The following IL1RAPL1 variants were observed in gnomAD, a reference collection of about 807,000 sequenced individuals.
The protein encoded by IL1RAPL1 is interleukin 1 receptor accessory protein like 1.
A neutral mutation model predicts 48.4 loss-of-function variants in IL1RAPL1; 3 were observed. That is an observed-to-expected ratio of 0.06 (90% CI 0.03 to 0.16). The LOEUF is 0.16. IL1RAPL1 is among the 10% of genes least tolerant of loss of function. The pLI is 1.00. For synonymous variants in IL1RAPL1, 185 were observed against 187.7 expected, an observed-to-expected ratio of 0.99 and a Z score of 0.12; for missense variants, 349 against 530.6, an observed-to-expected ratio of 0.66 and a Z score of 3.36.
At chrX:29,116,213 G>A (rs1414682918) in intron 2 of IL1RAPL1, among the ~76,000 whole-genome samples, 1 of 110,957 alleles carries the variant, frequency 9.0e-6, no homozygotes, top group Non-Finnish European at 1.9e-5. Flanking sequence ...TTGATACTTT[G>A]TCCAATAGCA....
At chrX:29,571,200 T>C (rs1191023828) in intron 5 of IL1RAPL1, among the ~76,000 whole-genome samples, 2 of 110,038 alleles carry the variant, frequency 1.8e-5, no homozygotes, top group African/African-American at 3.4e-5. Context: ...CCAGCCTGGG[T>C]GACAGAGTGA....
At chrX:28,733,559 C>T (rs1188838057) in intron 1 of IL1RAPL1, among the ~76,000 whole-genome samples, 1 of 111,505 alleles carries the variant, frequency 9.0e-6, no homozygotes, top group African/African-American at 3.3e-5. Context: ...TCACCTACTT[C>T]TTTGATGATG....
chrX:29,301,560 A>C (rs972505295), intron 3 of IL1RAPL1, among the ~76,000 whole-genome samples: 4 of 112,247 alleles, frequency 3.6e-5, no homozygotes, highest in Non-Finnish European at 7.5e-5. Flanking sequence ...ACATGTATAC[A>C]TAAACACACA....
chrX:28,698,970 A>T (rs1935265395), intron 1 of IL1RAPL1, among the ~76,000 whole-genome samples: 1 of 112,048 alleles, frequency 8.9e-6, no homozygotes, highest in African/African-American at 3.2e-5. Context: ...AATCTCTTTT[A>T]TTCGGTGAGT....
intron 2 of IL1RAPL1, among the ~76,000 whole-genome samples, chrX:28,836,969 G>GA (rs971911712): frequency 4.6e-5 from 5 of 108,999 alleles, no homozygotes; most frequent in East Asian, 2.9e-4. Flanking sequence ...TTGGCACCTT[G>GA]AAAAAAAACG....
chrX:29,784,682 T>TA lies in IL1RAPL1; in HGVS notation c.778+116190dup, dbSNP rs11364775. On this transcript the variant is annotated intron_variant, in intron 6 of 10. Coordinates refer to ENST00000378993, the MANE Select transcript of IL1RAPL1 (RefSeq NM_014271.4). ...CAGTTTATGGATTTTCTTATTATCT[T>TA]AAAAAAAAAAAACATGATAGTGAGG... 5.6e-3 allele frequency among the ~76,000 whole-genome samples: 582 copies of TA among 103,249 alleles called. 2 individuals carry two copies. Among genetic ancestry groups the TA allele is most frequent in the African/African-American group, 0.016 (464 of 28,585 alleles). 89.7% of individuals were successfully genotyped at this position (103,249 alleles called of 115,157 possible).
chrX:29,332,694 G>A (rs9698639), intron 3 of IL1RAPL1, among the ~76,000 whole-genome samples: 6 of 105,914 alleles, frequency 5.7e-5, no homozygotes, highest in Admixed American at 2.0e-4. Context: ...GTTTCTCGCA[G>A]AGGGGGATTT....
At chrX:29,324,498 C>T (rs760559504) in intron 3 of IL1RAPL1, among the ~76,000 whole-genome samples, 16 of 111,759 alleles carry the variant, frequency 1.4e-4, no homozygotes, top group Non-Finnish European at 3.0e-4. Flanking sequence ...CTCTGTGCAG[C>T]GTTCCTTCCT....
chrX:29,022,716 C>T (rs957674013), intron 2 of IL1RAPL1, among the ~76,000 whole-genome samples: 93 of 111,753 alleles, frequency 8.3e-4, no homozygotes, highest in African/African-American at 2.7e-3. Flanking sequence ...GTCATTCTTT[C>T]TCATCTGGCA....
At chrX:29,331,373 C>A (rs1932884204) in intron 3 of IL1RAPL1, among the ~76,000 whole-genome samples, 1 of 110,215 alleles carries the variant, frequency 9.1e-6, no homozygotes, top group South Asian at 4.0e-4. Flanking sequence ...CCACATCACC[C>A]AACTGCAAAG....
chrX:29,459,995 G>A (rs2206337), intron 5 of IL1RAPL1, among the ~76,000 whole-genome samples: 1,400 of 111,567 alleles, frequency 0.013, 21 homozygotes, highest in African/African-American at 0.042. Flanking sequence ...GAGGTCATGA[G>A]GTATTTGTCT....
At chrX:29,290,012 T>C (rs1435367854) in intron 3 of IL1RAPL1, among the ~76,000 whole-genome samples, 1 of 111,887 alleles carries the variant, frequency 8.9e-6, no homozygotes, top group African/African-American at 3.2e-5. Context: ...TGTAACTCTT[T>C]TTTCTCATTG....
chrX:29,122,442 C>CAT (rs1318893798), intron 2 of IL1RAPL1, among the ~76,000 whole-genome samples: 1 of 101,853 alleles, frequency 9.8e-6, no homozygotes, highest in Non-Finnish European at 2.0e-5. Context: ...CACACACACA[C>CAT]ACACACTCGC....
intron 3 of IL1RAPL1, among the ~76,000 whole-genome samples, chrX:29,296,151 C>T (rs137992711): frequency 2.8e-4 from 31 of 111,909 alleles, no homozygotes; most frequent in African/African-American, 9.4e-4. Flanking sequence ...GCATAAATTG[C>T]ATCACAGAGT....
intron 5 of IL1RAPL1, among the ~76,000 whole-genome samples, chrX:29,609,990 G>T (rs756918816): frequency 3.6e-5 from 4 of 111,338 alleles, no homozygotes; most frequent in South Asian, 7.6e-4. Context: ...AAGAGAGAGT[G>T]ATTGGCAGAG....
intron 5 of IL1RAPL1, among the ~76,000 whole-genome samples, chrX:29,506,905 A>G (rs182288166): frequency 0.023 from 2,531 of 110,800 alleles, 71 homozygotes; most frequent in African/African-American, 0.08. Flanking sequence ...TGCTCACCTC[A>G]ATCTCACTTT....
At chrX:29,353,287 A>AG (rs1310187454) in intron 3 of IL1RAPL1, among the ~76,000 whole-genome samples, 8 of 111,763 alleles carry the variant, frequency 7.2e-5, no homozygotes, top group African/African-American at 2.6e-4. Flanking sequence ...GAAGCCAAGA[A>AG]GGGGTTATGG....
intron 3 of IL1RAPL1, among the ~76,000 whole-genome samples, chrX:29,323,594 C>A (rs1183834930): frequency 1.0e-5 from 1 of 100,050 alleles, no homozygotes; most frequent in Non-Finnish European, 2.0e-5. Context: ...TCTTCTTATC[C>A]TGCACATCCT....
intron 2 of IL1RAPL1, among the ~76,000 whole-genome samples, chrX:29,089,776 ATATATATATATG>A (rs1286229359): frequency 1.2e-5 from 1 of 82,304 alleles, no homozygotes; most frequent in South Asian, 6.5e-4. Context: ...ATATATATAT[ATATATATATATG>A]TGCATACACA....
Sources: allele counts gnomAD v4.1 joint callset (sites outside exome capture counted in the v4.1 genomes callset), GRCh38; gene constraint gnomAD v4.1.1; transcripts MANE v1.5; gene names NCBI Gene and HGNC (gene_info 2026-07-23, HGNC 2026-07-21).